The following MMS19 variants were observed in gnomAD, a reference collection of about 807,000 sequenced individuals.
The protein encoded by MMS19 is MMS19 nucleotide excision repair protein homolog.
MMS19 carries 77 observed loss-of-function variants against 129.8 expected under a neutral mutation model. The observed-to-expected ratio is 0.59, with a 90% CI of 0.49 to 0.72. MMS19 has a LOEUF of 0.72. MMS19 is among the 30% of genes least tolerant of loss of function. The pLI is 0.00. For synonymous variants in MMS19, 491 were observed against 502.8 expected, an observed-to-expected ratio of 0.98 and a Z score of 0.31; for missense variants, 1,168 against 1,266.3, an observed-to-expected ratio of 0.92 and a Z score of 1.18.
intron 8 of MMS19, among the ~76,000 whole-genome samples, chr10:97,471,562 T>C (rs988075318): frequency 6.6e-6 from 1 of 152,100 alleles, no homozygotes; most frequent in African/African-American, 2.4e-5. Context: ...CCATGCTGGA[T>C]TGCAGTGGCT....
chr10:97,465,779 C>A, intron 18 of MMS19, 26 bp downstream of exon 18: 1 of 1,602,370 alleles, frequency 6.2e-7, no homozygotes, highest in Non-Finnish European at 8.5e-7. Flanking sequence ...CAGCCCAGTC[C>A]GTTGGTGGTT....
chr10:97,474,132 CAA>C (rs780173105), intron 8 of MMS19, among the ~76,000 whole-genome samples: 61 of 57,160 alleles, frequency 1.1e-3, no homozygotes, highest in Admixed American at 1.2e-3. Flanking sequence ...CAGCCTGCCT[CAA>C]AAAAAAAAAA....
chr10:97,465,721 G>A (rs564488087), intron 18 of MMS19, 84 bp downstream of exon 18: 99 of 1,297,850 alleles, frequency 7.6e-5, no homozygotes, highest in Non-Finnish European at 6.7e-5. Flanking sequence ...TTACTCTTAT[G>A]TATAGCTACA....
At chr10:97,491,625 T>A (rs926789139) in intron 1 of MMS19, among the ~76,000 whole-genome samples, 1 of 151,720 alleles carries the variant, frequency 6.6e-6, no homozygotes, top group Non-Finnish European at 1.5e-5. Context: ...AAATCACGCC[T>A]GGGCGATAGA....
chr10:97,466,305 G>A (rs928616723), intron 16 of MMS19, 146 bp from the exon 17 acceptor site: 114 of 777,732 alleles, frequency 1.5e-4, no homozygotes, highest in Non-Finnish European at 2.3e-4. Flanking sequence ...CACTGAGTTG[G>A]ACAGGGCTTC....
chr10:97,497,662 A>C (rs1028621076), intron 1 of MMS19, among the ~76,000 whole-genome samples: 2 of 152,212 alleles, frequency 1.3e-5, no homozygotes, highest in African/African-American at 4.8e-5. Flanking sequence ...TCTGGGAAGA[A>C]GACAAAAACA....
intron 1 of MMS19, among the ~76,000 whole-genome samples, chr10:97,485,167 C>T (rs1442964679): frequency 1.3e-5 from 2 of 152,088 alleles, no homozygotes; most frequent in Non-Finnish European, 2.9e-5. Flanking sequence ...TCGCCTTTGT[C>T]ACCCAGGCTA....
chr10:97,487,895 T>C (rs1331300765), intron 1 of MMS19, among the ~76,000 whole-genome samples: 4 of 152,092 alleles, frequency 2.6e-5, no homozygotes, highest in African/African-American at 7.2e-5. Context: ...GGCAGGTAGA[T>C]TGCTTGAGGC....
intron 24 of MMS19, 37 bp from the exon 25 acceptor site, chr10:97,460,788 C>A: frequency 6.4e-7 from 1 of 1,570,498 alleles, no homozygotes; most frequent in East Asian, 2.3e-5. Flanking sequence ...TGGGGAATGA[C>A]ACTCAAACCC....
At chr10:97,484,178 G>T in intron 1 of MMS19, 27 bp from the exon 2 acceptor site, 4 of 1,398,830 alleles carry the variant, frequency 2.9e-6, no homozygotes, top group Non-Finnish European at 2.9e-6. Flanking sequence ...AAATAAATAT[G>T]AAAAATAAAA....
At position 97,477,333 on chromosome 10, in the gene MMS19, GCT is replaced by G. The variant is rs775696566; in HGVS notation, c.493+12_493+13del. 247 of 1,613,854 alleles carry G rather than the reference GCT, an allele frequency of 1.5e-4. No individual in the cohort carries two copies. The highest frequency in any genetic ancestry group is 1.8e-4 in the Non-Finnish European group (214 of 1,179,890). On this transcript the variant is annotated intron_variant, in intron 6 of 30. Transcript: ENST00000438925. ...GCTTGCTTTTGACATTTCCCAGAAA[GCT>G]CTGTCTCTTACCTTCTTCCCGGGTT... is the stretch of plus-strand genomic sequence containing the variant.
chr10:97,490,699 G>C (rs1370588654), intron 1 of MMS19, among the ~76,000 whole-genome samples: 1 of 152,206 alleles, frequency 6.6e-6, no homozygotes, highest in Non-Finnish European at 1.5e-5. Flanking sequence ...CACAGCAACA[G>C]TTATGAGCTG....
In MMS19 at chr10:97,458,875, A is replaced by G. The variant is rs1315771142; in HGVS notation, c.2990T>C (p.Ile997Thr). ...PVLLPYKPQV[I>T]RALAKPLDDK... ...ATCCAGGGGTTTGGCTAAGGCCCGA[A>G]TCACCTGTGGTTTGTACGGCAGCAG... is the stretch of plus-strand genomic sequence containing the variant. The change falls in exon 30 of 31, where the codon ATT becomes ACT. Residue 997 changes from isoleucine (I) to threonine (T), a missense_variant. By Grantham distance (89) the Ile-to-Thr change is moderately conservative. Coordinates refer to ENST00000438925, the MANE Select transcript of MMS19 (RefSeq NM_022362.5). The G allele has an allele frequency of 6.2e-7, 1 of 1,613,916 alleles. No homozygotes were observed. The highest frequency in any genetic ancestry group is 1.7e-5 in the Admixed American group (1 of 59,998).
At position 97,468,650 on chromosome 10, in the gene MMS19, G is replaced by A. The variant is rs188217384; in HGVS notation, c.1064-244C>T. On this transcript the variant is annotated intron_variant, in intron 12 of 30. Coordinates refer to ENST00000438925, the MANE Select transcript of MMS19 (RefSeq NM_022362.5). ...TTTTTAGAGATGGAGTTTTGCTCTC[G>A]TTGCCCAAGCTGGAGTGCAGTGGCG... 1.4e-3 allele frequency among the ~76,000 whole-genome samples: 212 copies of A among 152,010 alleles called. 1 individual carries two copies. Among genetic ancestry groups the A allele is most frequent in the Non-Finnish European group, 2.5e-3 (171 of 67,982 alleles).
intron 1 of MMS19, among the ~76,000 whole-genome samples, chr10:97,486,888 T>TATATATATATATATATATAC: frequency 1.7e-5 from 2 of 120,232 alleles, no homozygotes; most frequent in Non-Finnish European, 3.6e-5. Context: ...TATATATATA[T>TATATATATATATATATATAC]ATATATAAAA....
chr10:97,460,139 C>T lies in MMS19; in HGVS notation c.2563G>A (p.Ala855Thr), dbSNP rs1470918152. Residue 855 changes from alanine to threonine, a missense_variant, in exon 26 of 31, where the codon GCT becomes ACT. Coordinates refer to ENST00000438925, the MANE Select transcript of MMS19 (RefSeq NM_022362.5). ...MSDCTDVLTR[A>T]GHAEVRIMFR... ...ATGATCCGCACTTCGGCATGGCCAGCACGAGTCAGCACATCAGTGCAGTCA... is the reference window on the plus strand; with the variant it reads ...ATGATCCGCACTTCGGCATGGCCAGTACGAGTCAGCACATCAGTGCAGTCA... The T allele has an allele frequency of 1.2e-6, 2 of 1,613,888 alleles. No individual in the cohort carries two copies. The highest frequency in any genetic ancestry group is 1.7e-6 in the Non-Finnish European group (2 of 1,179,894).
chr10:97,468,281 G>C lies in MMS19; in HGVS notation c.1189C>G (p.Leu397Val). ...DSVTSNVLPLLLEQFHKHSQS... is the reference protein window; with the variant it reads ...DSVTSNVLPLVLEQFHKHSQS... ...CTGTGCTTGTGGAACTGTTCCAGCAGTAAAGGCAGTACATTGCTGGTGACA... is the reference window on the plus strand; with the variant it reads ...CTGTGCTTGTGGAACTGTTCCAGCACTAAAGGCAGTACATTGCTGGTGACA... The change falls in exon 13 of 31, where the codon CTG (leucine) becomes GTG (valine). Residue 397 changes from leucine (L) to valine (V), a missense_variant. Leu to Val is a conservative substitution (Grantham distance 32). Transcript: ENST00000438925. 1 of 1,604,740 alleles carries C rather than the reference G, an allele frequency of 6.2e-7. No individual in the cohort carries two copies. Among genetic ancestry groups the C allele is most frequent in the East Asian group, 2.3e-5 (1 of 44,400 alleles).
upstream of MMS19, chr10:97,498,604 G>T: frequency 1.8e-6 from 1 of 560,260 alleles, no homozygotes; most frequent in Non-Finnish European, 3.1e-6. Context: ...GCAGCCGGAG[G>T]CGATTGAGGG....
intron 18 of MMS19, among the ~76,000 whole-genome samples, chr10:97,465,355 G>C (rs899963306): frequency 7.9e-5 from 12 of 151,992 alleles, no homozygotes; most frequent in Non-Finnish European, 1.6e-4. Context: ...CCAGGCTGGA[G>C]TACAGTGGCG....
Sources: gnomAD v4.1 joint callset for allele counts (sites outside exome capture counted in the v4.1 genomes callset) on GRCh38, gnomAD v4.1.1 for gene constraint, MANE v1.5 for transcripts, NCBI Gene and HGNC (gene_info 2026-07-23, HGNC 2026-07-21) for gene names.